ZNF254: variants seen among roughly 807,000 people sequenced by gnomAD.
ZNF254 encodes zinc finger protein 254, also known as CTD-2017D11.1.
Under a neutral mutation model 12.4 loss-of-function variants are expected in ZNF254, and 10 were observed. The observed-to-expected ratio is 0.80, with a 90% CI of 0.50 to 1.36. The LOEUF (loss-of-function observed/expected upper bound fraction) is 1.36. Among genes scored for constraint, ZNF254 ranks in the 40% most tolerant of loss-of-function variants. The pLI is 0.00. For synonymous variants in ZNF254, 305 were observed against 253.4 expected, an observed-to-expected ratio of 1.20 and a Z score of -1.93; for missense variants, 996 against 763.9, an observed-to-expected ratio of 1.30 and a Z score of -3.58.
At chr19:24,095,094 C>T (rs375379707) in intron 1 of ZNF254, among the ~76,000 whole-genome samples, 1 of 152,156 alleles carries the variant, frequency 6.6e-6, no homozygotes, top group East Asian at 1.9e-4. Context: ...GGGTTTTTAA[C>T]ATGAAAGATG....
rs1335608958 is a variant in ZNF254, at chr19:24,050,126, CTATTT to C, written c.-94+3858_-94+3862del. Reference sequence around the variant, plus strand: ...TTGTAACATATCTGGGGCCCTTTGACTATTTTATTTTATTTATTGTATTATATTTT... The same window carrying C: ...TTGTAACATATCTGGGGCCCTTTGACTATTTTATTTATTGTATTATATTTT... On this transcript the variant is annotated intron_variant, in intron 2 of 4. Coordinates refer to the ZNF254 transcript ENST00000613065. Among the ~76,000 whole-genome samples, 3 of 151,626 alleles carry C rather than the reference CTATTT, an allele frequency of 2.0e-5. No individual in the cohort carries two copies. The East Asian group carries it at 5.8e-4, about 29-fold the overall frequency.
At chr19:24,042,346 A>G (rs1027749063) in intron 1 of ZNF254, among the ~76,000 whole-genome samples, 1 of 152,226 alleles carries the variant, frequency 6.6e-6, no homozygotes, top group Non-Finnish European at 1.5e-5. Flanking sequence ...GGGTGGGGCC[A>G]GATAAGAGAA....
intron 1 of ZNF254, among the ~76,000 whole-genome samples, chr19:24,041,056 G>C (rs1251743775): frequency 6.6e-6 from 1 of 152,246 alleles, no homozygotes; most frequent in African/African-American, 2.4e-5. Context: ...ATCGAAGCTT[G>C]AGAAGCAATG....
chr19:24,068,241 C>T (rs548048473), intron 2 of ZNF254, among the ~76,000 whole-genome samples: 8 of 151,276 alleles, frequency 5.3e-5, no homozygotes, highest in South Asian at 2.1e-4. Flanking sequence ...TCACAGAGAG[C>T]GTTGTAACAT....
intron 2 of ZNF254, chr19:24,066,599 G>T (rs1210345401): frequency 6.6e-6 from 1 of 152,168 alleles, no homozygotes; most frequent in Non-Finnish European, 1.5e-5. Flanking sequence ...TGTAATCCCA[G>T]CGCTTGGGGA....
At chr19:24,126,221 G>A (rs941518571) in intron 3 of ZNF254, 33 bp from the exon 4 acceptor site, 3 of 1,348,482 alleles carry the variant, frequency 2.2e-6, no homozygotes, top group Non-Finnish European at 2.9e-6. Context: ...TCTAGTAAGT[G>A]GAGTAATTTA....
chr19:24,117,146 T>G (rs1170226408), intron 3 of ZNF254, among the ~76,000 whole-genome samples: 1 of 152,042 alleles, frequency 6.6e-6, no homozygotes, highest in Non-Finnish European at 1.5e-5. Flanking sequence ...GGTTCAGGGG[T>G]CCGGGACCCA....
chr19:24,117,966 A>C (rs1281144329), intron 3 of ZNF254, among the ~76,000 whole-genome samples: 1 of 151,918 alleles, frequency 6.6e-6, no homozygotes, highest in Admixed American at 6.6e-5. Flanking sequence ...TTTTATTTTT[A>C]GTTATTTGAA....
intron 3 of ZNF254, among the ~76,000 whole-genome samples, chr19:24,125,142 A>G (rs1216662288): frequency 6.6e-6 from 1 of 151,626 alleles, no homozygotes; most frequent in Non-Finnish European, 1.5e-5. Context: ...GTGACTTTTG[A>G]AATTGTGCTT....
intron 3 of ZNF254, among the ~76,000 whole-genome samples, chr19:24,117,757 G>A (rs1310335077): frequency 6.6e-6 from 1 of 152,014 alleles, no homozygotes. Flanking sequence ...TACCTCGGAT[G>A]GAAATGCAGA....
intron 3 of ZNF254, among the ~76,000 whole-genome samples, chr19:24,125,246 G>T (rs1464790900): frequency 1.4e-5 from 2 of 142,120 alleles, no homozygotes; most frequent in African/African-American, 5.2e-5. Flanking sequence ...TTACTTTTAG[G>T]ATCTGTCAGT....
intron 1 of ZNF254, chr19:24,098,845 G>A (rs868145127): frequency 6.6e-6 from 1 of 152,080 alleles, no homozygotes; most frequent in Non-Finnish European, 1.5e-5. Context: ...CTGGATGCAT[G>A]CTGGAAATCC....
At chr19:24,096,667 A>G (rs939677912) in intron 1 of ZNF254, among the ~76,000 whole-genome samples, 11 of 152,212 alleles carry the variant, frequency 7.2e-5, no homozygotes, top group South Asian at 6.2e-4. Context: ...GTAGATGTCT[A>G]TTAGGACTAT....
At chr19:24,074,577 A>G (rs1971593726) in intron 2 of ZNF254, among the ~76,000 whole-genome samples, 2 of 152,172 alleles carry the variant, frequency 1.3e-5, no homozygotes, top group South Asian at 4.1e-4. Context: ...ATAAGCACAC[A>G]GGCTACGTCA....
rs544019951 is a variant in ZNF254 at position 24,102,047 on chromosome 19, A to C, written c.31-3893A>C. Reference sequence around the variant, plus strand: ...CATTAGAAAAATAGATGACGCAGTCATGGTCCCTACCATGCAGGAACTTTT... The same window carrying C: ...CATTAGAAAAATAGATGACGCAGTCCTGGTCCCTACCATGCAGGAACTTTT... On this transcript the variant is annotated intron_variant, in intron 1 of 3. Transcript: ENST00000357002. Among the ~76,000 whole-genome samples, 4 of 152,214 alleles carry C rather than the reference A, an allele frequency of 2.6e-5. No individual in the cohort carries two copies. The South Asian group carries it at 8.3e-4, about 31-fold the overall frequency.
chr19:24,062,173 T>C (rs1224522866), intron 2 of ZNF254, among the ~76,000 whole-genome samples: 2 of 151,966 alleles, frequency 1.3e-5, no homozygotes, highest in African/African-American at 4.8e-5. Flanking sequence ...CACTCTCTTG[T>C]ATATTGTGTA....
intron 1 of ZNF254, among the ~76,000 whole-genome samples, chr19:24,088,964 CTTTT>C (rs74175785): frequency 1.0e-4 from 10 of 99,290 alleles, no homozygotes; most frequent in African/African-American, 3.7e-4. Flanking sequence ...GCCAATTAAT[CTTTT>C]TTTTTTTTTT....
chr19:24,101,492 T>C (rs923170910), intron 1 of ZNF254, among the ~76,000 whole-genome samples: 1 of 152,230 alleles, frequency 6.6e-6, no homozygotes, highest in Non-Finnish European at 1.5e-5. Context: ...TAGAATCTGA[T>C]GGCAGAATCT....
At chr19:24,056,606 G>T (rs557651238) in intron 2 of ZNF254, among the ~76,000 whole-genome samples, 33 of 152,274 alleles carry the variant, frequency 2.2e-4, no homozygotes, top group Admixed American at 3.9e-4. Flanking sequence ...AGAGCATTGT[G>T]ACATATCTTT....
Sources: allele counts gnomAD v4.1 joint callset (sites outside exome capture counted in the v4.1 genomes callset), GRCh38; gene constraint gnomAD v4.1.1; transcripts MANE v1.5; gene names NCBI Gene and HGNC (gene_info 2026-07-23, HGNC 2026-07-21).